Variants in SLC35F3 observed in about 807,000 individuals in gnomAD.
SLC35F3 encodes putative thiamine transporter SLC35F3.
A neutral mutation model predicts 49.9 loss-of-function variants in SLC35F3; 25 were observed. That is an observed-to-expected ratio of 0.50 (90% confidence interval 0.37 to 0.70). The LOEUF is 0.70. SLC35F3 is among the 30% of genes least tolerant of loss of function. The pLI is 0.00. For missense variants in SLC35F3, 525 were observed against 639.8 expected (o/e 0.82, Z 1.94); for synonymous variants, 275 against 265.4 (o/e 1.04, Z -0.35).
intron 3 of SLC35F3, among the ~76,000 whole-genome samples, chr1:234,281,137 T>C (rs1433909510): frequency 6.6e-6 from 1 of 152,018 alleles, no homozygotes; most frequent in Non-Finnish European, 1.5e-5. Flanking sequence ...TACTTCAGAA[T>C]GTAACTGCAT....
chr1:234,080,381 A>C (rs1664857274), intron 2 of SLC35F3, among the ~76,000 whole-genome samples: 1 of 152,204 alleles, frequency 6.6e-6, no homozygotes, highest in Non-Finnish European at 1.5e-5. Context: ...AATTCCCCTC[A>C]GGTATATACC....
At chr1:234,267,506 G>T (rs1313549564) in intron 3 of SLC35F3, among the ~76,000 whole-genome samples, 1 of 147,220 alleles carries the variant, frequency 6.8e-6, no homozygotes, top group Non-Finnish European at 1.5e-5. Flanking sequence ...CCGGGCGGGG[G>T]GCTGACCCCC....
intron 2 of SLC35F3, among the ~76,000 whole-genome samples, chr1:233,941,415 T>C (rs1662418519): frequency 6.6e-6 from 1 of 152,238 alleles, no homozygotes; most frequent in African/African-American, 2.4e-5. Context: ...ACTAAATATT[T>C]ACTGATTTCA....
chr1:234,062,519 A>G (rs1412152332), intron 2 of SLC35F3, among the ~76,000 whole-genome samples: 4 of 152,288 alleles, frequency 2.6e-5, no homozygotes, highest in Middle Eastern at 3.4e-3. Flanking sequence ...CCTCTCTGAC[A>G]AACTAGTAAG....
chr1:234,214,419 G>C lies in SLC35F3; in HGVS notation c.284-16998G>C, dbSNP rs1002076722. ...GGCGGCAGAGGGCCGCGTCGGCCAC[G>C]GGCCCGGGAGAGACGCGCTCCAGCC... is the stretch of plus-strand genomic sequence containing the variant. On this transcript the variant is annotated intron_variant, in intron 2 of 7. Transcript: ENST00000366618. The surrounding 1 kb of genome is among the most constrained non-coding windows in gnomAD (Gnocchi z 8.0). The C allele has an allele frequency of 5.6e-6, 8 of 1,419,152 alleles. No individual in the cohort carries two copies. The highest frequency in any genetic ancestry group is 1.5e-5 in the South Asian group (1 of 66,464). 87.9% of individuals were successfully genotyped at this position (1,419,152 alleles called of 1,614,324 possible). A position where few individuals can be genotyped will look rare whatever the true frequency, so the allele number is the denominator to read the frequency against.
At chr1:234,115,177 G>A (rs900717042) in intron 2 of SLC35F3, among the ~76,000 whole-genome samples, 1 of 152,118 alleles carries the variant, frequency 6.6e-6, no homozygotes, top group African/African-American at 2.4e-5. Context: ...AGAATCTCCT[G>A]GAAGAAGCTG....
intron 3 of SLC35F3, among the ~76,000 whole-genome samples, chr1:234,232,537 A>G (rs866861539): frequency 1.3e-5 from 2 of 149,222 alleles, no homozygotes; most frequent in South Asian, 2.1e-4. Flanking sequence ...AAAAAAAAAA[A>G]AAAGAAAAAG....
chr1:234,118,242 GT>G (rs1572058717), intron 2 of SLC35F3, among the ~76,000 whole-genome samples: 2 of 152,046 alleles, frequency 1.3e-5, no homozygotes, highest in East Asian at 3.9e-4. Context: ...CTGACTTCAT[GT>G]TACCCTGATC....
At chr1:233,991,430 A>G (rs1015644843) in intron 2 of SLC35F3, among the ~76,000 whole-genome samples, 1 of 151,974 alleles carries the variant, frequency 6.6e-6, no homozygotes, top group Non-Finnish European at 1.5e-5. Context: ...ACTAACTTCC[A>G]TGGAAGAAAA....
intron 2 of SLC35F3, among the ~76,000 whole-genome samples, chr1:234,066,246 A>G (rs1157616049): frequency 1.3e-5 from 2 of 152,168 alleles, no homozygotes; most frequent in Non-Finnish European, 2.9e-5. Context: ...TTGTCAGCAC[A>G]GCAGCTGAAG....
chr1:234,069,716 G>T (rs1468759422), intron 2 of SLC35F3, among the ~76,000 whole-genome samples: 2 of 152,162 alleles, frequency 1.3e-5, no homozygotes, highest in African/African-American at 2.4e-5. Flanking sequence ...AAGTCCCTGA[G>T]GTAGTCCTCT....
chr1:233,945,989 G>A (rs1281427893), intron 2 of SLC35F3, among the ~76,000 whole-genome samples: 1 of 152,218 alleles, frequency 6.6e-6, no homozygotes, highest in South Asian at 2.1e-4. Context: ...TTTTAAAGTG[G>A]AAGATAGACT....
intron 2 of SLC35F3, among the ~76,000 whole-genome samples, chr1:234,015,376 A>C (rs1663786844): frequency 1.3e-5 from 2 of 152,022 alleles, no homozygotes; most frequent in South Asian, 2.1e-4. Flanking sequence ...CAAGAACAAA[A>C]CTGGAAGCAT....
At chr1:234,041,784 G>A (rs781778425) in intron 2 of SLC35F3, among the ~76,000 whole-genome samples, 1 of 152,122 alleles carries the variant, frequency 6.6e-6, no homozygotes, top group Non-Finnish European at 1.5e-5. Context: ...CATTATACAT[G>A]CATAGTACCC....
intron 2 of SLC35F3, among the ~76,000 whole-genome samples, chr1:234,052,324 T>TAATA (rs1286574764): frequency 6.6e-6 from 1 of 152,246 alleles, no homozygotes; most frequent in Non-Finnish European, 1.5e-5. Context: ...AGCCTGTTAT[T>TAATA]GGTCTATTCA....
intron 2 of SLC35F3, among the ~76,000 whole-genome samples, chr1:234,023,662 G>A (rs1329383654): frequency 6.6e-6 from 1 of 152,008 alleles, no homozygotes; most frequent in Non-Finnish European, 1.5e-5. Flanking sequence ...ACTTAACAGT[G>A]GAGAAACCTG....
intron 3 of SLC35F3, among the ~76,000 whole-genome samples, chr1:234,266,473 G>C (rs939500593): frequency 2.6e-5 from 4 of 152,222 alleles, no homozygotes; most frequent in Non-Finnish European, 5.9e-5. Context: ...TTCATTGTCA[G>C]TAGAAGGATA....
At chr1:234,122,845 C>T (rs539082535) in intron 2 of SLC35F3, among the ~76,000 whole-genome samples, 3 of 152,316 alleles carry the variant, frequency 2.0e-5, no homozygotes, top group African/African-American at 7.2e-5. Flanking sequence ...ATACATGCCA[C>T]GTTTTCTTTA....
intron 2 of SLC35F3, among the ~76,000 whole-genome samples, chr1:234,008,568 T>C (rs1258013361): frequency 6.6e-6 from 1 of 152,238 alleles, no homozygotes; most frequent in East Asian, 1.9e-4. Flanking sequence ...CATAGCTTTA[T>C]GCTGAAGTGT....
Sources: allele counts gnomAD v4.1 joint callset (sites outside exome capture counted in the v4.1 genomes callset), GRCh38; gene constraint gnomAD v4.1.1; non-coding constraint Gnocchi (gnomAD v3.1); transcripts MANE v1.5; gene names NCBI Gene and HGNC (gene_info 2026-07-23, HGNC 2026-07-21).